Variants in DNAH17 observed in about 807,000 individuals in gnomAD.
The protein encoded by DNAH17 is axonemal beta dynein heavy chain 17.
Under a neutral mutation model 485.6 loss-of-function variants are expected in DNAH17, and 376 were observed. The observed-to-expected ratio is 0.77, with a 90% CI of 0.71 to 0.84. The LOEUF (loss-of-function observed/expected upper bound fraction) is 0.84, where lower values mean the gene tolerates loss of function less well. DNAH17 is among the 40% of genes least tolerant of loss of function. The pLI is 0.00. For missense variants in DNAH17, 6,370 were observed against 5,839.3 expected, an observed-to-expected ratio of 1.09 and a Z score of -2.96; for synonymous variants, 3,031 against 2,405.9, an observed-to-expected ratio of 1.26 and a Z score of -7.60.
chr17:78,565,303 G>C (rs1252855275), intron 11 of DNAH17, among the ~76,000 whole-genome samples: 1 of 152,206 alleles, frequency 6.6e-6, no homozygotes, highest in African/African-American at 2.4e-5. Flanking sequence ...ACAGCAAGGA[G>C]GTGCTGTATT....
Position 78,425,514 on chromosome 17 carries a change from A to AGCCG in DNAH17, c.12969_12972dup (p.Phe4325ArgfsTer70), listed in dbSNP as rs1206773367. 3.7e-6 allele frequency: 6 copies of AGCCG among 1,613,878 alleles called. No homozygotes were observed. The South Asian group carries it at 6.6e-5, about 18-fold the overall frequency. ...GTGAGGAACGACTGGGGGTTGAAGA[A>AGCCG]GCCGGCCAGCCACACGGTGGTGGGC... is the stretch of plus-strand genomic sequence containing the variant. On this transcript the variant is annotated frameshift_variant, in exon 80 of 81. Coordinates refer to ENST00000389840, the MANE Select transcript of DNAH17 (RefSeq NM_173628.4). LOFTEE classifies it high-confidence loss of function.
chr17:78,423,932 C>G lies in DNAH17; in HGVS notation c.13363G>C (p.Ala4455Pro), dbSNP rs1428476466. The change falls in exon 81 of 81, where the codon GCC becomes CCC. Residue 4455 changes from alanine (A) to proline (P), a missense_variant. By Grantham distance (27) the Ala-to-Pro change is conservative. Transcript: ENST00000389840. ...TAAACCTGTAGGAGCAGCGCCACGG[C>G]TGCCAGGATCCACTTCGCTGCCTTC... ...KEKAAKWILA[A>P]VALLLQV 3 of 1,613,880 alleles carry G rather than the reference C, an allele frequency of 1.9e-6. No homozygotes were observed.
intron 68 of DNAH17, chr17:78,449,847 T>C: frequency 2.2e-6 from 1 of 456,948 alleles, no homozygotes; most frequent in Non-Finnish European, 4.0e-6. Context: ...CTAATTTTTT[T>C]TTATTTTTAG....
At chr17:78,436,091 G>T (rs886370924) in intron 74 of DNAH17, among the ~76,000 whole-genome samples, 4 of 152,200 alleles carry the variant, frequency 2.6e-5, no homozygotes, top group Admixed American at 2.0e-4. Flanking sequence ...TTCATGGACC[G>T]ATACACCCCA....
intron 11 of DNAH17, among the ~76,000 whole-genome samples, chr17:78,564,877 T>TGGAA (rs762036978): frequency 3.3e-5 from 5 of 151,886 alleles, no homozygotes; most frequent in African/African-American, 1.2e-4. Flanking sequence ...GGCATTTGAG[T>TGGAA]GGAAGGAAGG....
intron 17 of DNAH17, among the ~76,000 whole-genome samples, chr17:78,541,296 GGGGT>G (rs1285257196): frequency 1.1e-5 from 1 of 90,586 alleles, no homozygotes; most frequent in Non-Finnish European, 2.1e-5. Flanking sequence ...ATGGGTGGGT[GGGGT>G]GGGTGGGTGA....
intron 48 of DNAH17, 129 bp downstream of exon 48, chr17:78,484,739 A>ACCCCCCCGGCCCCC: frequency 2.0e-5 from 7 of 347,794 alleles, no homozygotes; most frequent in Non-Finnish European, 2.3e-5. Context: ...ACGTTGCAGC[A>ACCCCCCCGGCCCCC]CCCCCCCCAC....
chr17:78,567,705 C>CT (rs775059891), intron 9 of DNAH17, among the ~76,000 whole-genome samples: 11 of 152,290 alleles, frequency 7.2e-5, no homozygotes, highest in Non-Finnish European at 1.3e-4. Context: ...CTCATGCCCC[C>CT]TCTCCCTGAA....
At chr17:78,452,299 A>C (rs892628170) in intron 65 of DNAH17, among the ~76,000 whole-genome samples, 2 of 152,122 alleles carry the variant, frequency 1.3e-5, no homozygotes, top group Non-Finnish European at 2.9e-5. Context: ...TAATTTTTTA[A>C]AATTGTAAAA....
At position 78,541,310 on chromosome 17, in the gene DNAH17, A is replaced by G. The variant is rs865874984; in HGVS notation, c.2533-1430T>C. On this transcript the variant is annotated intron_variant, in intron 17 of 80. Coordinates refer to ENST00000389840, the MANE Select transcript of DNAH17 (RefSeq NM_173628.4). ...GATGGGTGGGTGGGGTGGGTGGGTG[A>G]GTGAGTGGATGGGTGGGTAGGGTGG... Among the ~76,000 whole-genome samples the G allele has an allele frequency of 6.7e-3, 213 of 31,776 alleles. 4 individuals are homozygous for G. Among genetic ancestry groups the G allele is most frequent in the African/African-American group, 0.026 (187 of 7,192 alleles). 20.8% of individuals were successfully genotyped at this position (31,776 alleles called of 152,430 possible). A position where few individuals can be genotyped will look rare whatever the true frequency, so the allele number is the denominator to read the frequency against.
chr17:78,443,622 C>T (rs1378677086), intron 71 of DNAH17, among the ~76,000 whole-genome samples: 1 of 152,146 alleles, frequency 6.6e-6, no homozygotes, highest in Non-Finnish European at 1.5e-5. Context: ...CAATCTCGGC[C>T]CACTGCAGCC....
At chr17:78,553,817 G>A (rs11657098) in intron 14 of DNAH17, among the ~76,000 whole-genome samples, 67,265 of 151,892 alleles carry the variant, frequency 0.44, 16,625 homozygotes, top group Non-Finnish European at 0.56. Context: ...CATCTTTTCC[G>A]TTACTTTTAA....
In DNAH17 at chr17:78,428,606, CT is replaced by C; in HGVS notation, c.12506del (p.Glu4169GlyfsTer29). The C allele has an allele frequency of 6.2e-7, 1 of 1,613,998 alleles. No individual in the cohort carries two copies. The highest frequency in any genetic ancestry group is 8.5e-7 in the Non-Finnish European group (1 of 1,179,900). On this transcript the variant is annotated frameshift_variant, in exon 77 of 81. Transcript: ENST00000389840. LOFTEE classifies it high-confidence loss of function. ...AEIGFLTVTS[E>X]KLFRTVLEMQ... The stretch of plus-strand genomic sequence containing the variant: ...TTTCCAGGACAGTGCGGAACAGCTT[CT>C]CTGAGGTGACCGTCAGAAAGCCAAT...
chr17:78,479,039 A>C lies in DNAH17; in HGVS notation c.7978T>G (p.Ser2660Ala). Reference protein sequence around the residue: ...FHYVFNLRDLSNIFQGLLFST... With the variant: ...FHYVFNLRDLANIFQGLLFST... Reference sequence around the variant, plus strand: ...AAGAGCAGTACCTGGAAAATATTGGAGAGGTCCCTGAGGTTGAAGACATAA... The same window carrying C: ...AAGAGCAGTACCTGGAAAATATTGGCGAGGTCCCTGAGGTTGAAGACATAA... The change falls in exon 51 of 81, where the codon TCC becomes GCC. Residue 2660 changes from serine (S) to alanine (A), a missense_variant. Transcript: ENST00000389840. The C allele has an allele frequency of 1.9e-6, 3 of 1,613,926 alleles. No homozygotes were observed. Among genetic ancestry groups the C allele is most frequent in the Non-Finnish European group, 1.7e-6 (2 of 1,179,836 alleles).
chr17:78,538,523 G>A (rs1010254135), intron 18 of DNAH17, among the ~76,000 whole-genome samples: 3 of 152,208 alleles, frequency 2.0e-5, no homozygotes, highest in Non-Finnish European at 2.9e-5. Context: ...ATGAGCAGGA[G>A]GGGGCTGTAT....
At chr17:78,539,572 T>C (rs1252292661) in intron 18 of DNAH17, among the ~76,000 whole-genome samples, 165 bp downstream of exon 18, 1 of 152,230 alleles carries the variant, frequency 6.6e-6, no homozygotes, top group Admixed American at 6.5e-5. Context: ...GATTCTGGAA[T>C]GCAGGACTTC....
At chr17:78,463,448 A>G (rs1009694319) in intron 56 of DNAH17, among the ~76,000 whole-genome samples, 2 of 151,784 alleles carry the variant, frequency 1.3e-5, no homozygotes, top group Non-Finnish European at 1.5e-5. Context: ...ACGCATTCAC[A>G]TACCTGTATA....
intron 27 of DNAH17, among the ~76,000 whole-genome samples, chr17:78,508,907 TCCTCCCACTTCAG>T (rs2090560542): frequency 6.6e-6 from 1 of 151,320 alleles, no homozygotes; most frequent in South Asian, 2.1e-4. Flanking sequence ...GCTCAATTCA[TCCTCCCACTTCAG>T]CCTCCCAAGT....
At position 78,451,466 on chromosome 17, in the gene DNAH17, T is replaced by C. The variant is rs2087550190; in HGVS notation, c.10734+3A>G. On this transcript the variant is annotated splice_donor_region_variant and intron_variant, in intron 66 of 80. Coordinates refer to ENST00000389840, the MANE Select transcript of DNAH17 (RefSeq NM_173628.4). ...CCCGTGTGACCAAACTTCAGGCCAT[T>C]ACCTTCAGCTGTTCCAGATCTGGGC... The C allele has an allele frequency of 1.2e-6, 2 of 1,605,804 alleles. No individual in the cohort carries two copies. The highest frequency in any genetic ancestry group is 4.5e-5 in the East Asian group (2 of 44,782).
Sources: gnomAD v4.1 joint callset for allele counts (sites outside exome capture counted in the v4.1 genomes callset) on GRCh38, gnomAD v4.1.1 for gene constraint, MANE v1.5 for transcripts, NCBI Gene and HGNC (gene_info 2026-07-23, HGNC 2026-07-21) for gene names.